Variants in PTPRZ1 observed in about 807,000 individuals in gnomAD.
The protein encoded by PTPRZ1 is protein tyrosine phosphatase receptor type Z1, also known as receptor-type tyrosine-protein phosphatase zeta.
A neutral mutation model predicts 214.1 loss-of-function variants in PTPRZ1; 82 were observed. The observed-to-expected ratio is 0.38, with a 90% CI of 0.32 to 0.46. The LOEUF is 0.46. Among genes scored for constraint, PTPRZ1 ranks in the 20% least tolerant of loss-of-function variants. The pLI is 1.00. For missense variants in PTPRZ1, 2,603 were observed against 2,748.7 expected, an observed-to-expected ratio of 0.95 and a Z score of 1.19; for synonymous variants, 945 against 987.9, an observed-to-expected ratio of 0.96 and a Z score of 0.81.
chr7:122,026,352 A>G (rs2116706731), intron 13 of PTPRZ1, among the ~76,000 whole-genome samples: 1 of 152,228 alleles, frequency 6.6e-6, no homozygotes, highest in East Asian at 1.9e-4. Context: ...ACATTTCACC[A>G]GCTTGTATAA....
At chr7:122,017,770 C>T (rs1798888845) in intron 12 of PTPRZ1, among the ~76,000 whole-genome samples, 1 of 151,672 alleles carries the variant, frequency 6.6e-6, no homozygotes, top group African/African-American at 2.4e-5. Context: ...TGGGGTTTCA[C>T]CATGTTGGCC....
intron 11 of PTPRZ1, among the ~76,000 whole-genome samples, chr7:122,005,719 G>A (rs1400418902): frequency 1.3e-5 from 2 of 151,914 alleles, no homozygotes; most frequent in South Asian, 2.1e-4. Flanking sequence ...TTTGTGCTGA[G>A]TTGTTAATTC....
At position 122,061,210 on chromosome 7, in the gene PTPRZ1, C is replaced by G. The variant is rs764043625; in HGVS notation, c.6938C>G (p.Ser2313Cys). The G allele has an allele frequency of 6.3e-7, 1 of 1,596,816 alleles. No homozygotes were observed. The highest frequency in any genetic ancestry group is 1.1e-5 in the South Asian group (1 of 88,474). Residue 2313 changes from serine to cysteine, a missense_variant, in exon 30 of 30, where the codon TCT (serine) becomes TGT (cysteine). Physicochemically the swap from Ser to Cys is moderately radical, Grantham distance 112. Coordinates refer to ENST00000393386, the MANE Select transcript of PTPRZ1 (RefSeq NM_002851.3). ...GGAAATATAGCTGAGAGCTTAGAGT[C>G]TTTAGTTTAACACAGAAAGGGGTGG... is the stretch of plus-strand genomic sequence containing the variant. ...PDGNIAESLE[S>C]LV
At chr7:121,919,073 T>G (rs1795513361) in intron 1 of PTPRZ1, among the ~76,000 whole-genome samples, 1 of 152,086 alleles carries the variant, frequency 6.6e-6, no homozygotes, top group Non-Finnish European at 1.5e-5. Flanking sequence ...GTGTCCAAGA[T>G]ATGAAGAGTT....
intron 2 of PTPRZ1, among the ~76,000 whole-genome samples, chr7:121,956,154 G>A (rs142493185): frequency 0.011 from 1,597 of 151,896 alleles, 29 homozygotes; most frequent in Middle Eastern, 0.068. Context: ...GCAACTACCC[G>A]TCCTCTCTGC....
At chr7:121,951,335 T>G (rs1349935557) in intron 2 of PTPRZ1, among the ~76,000 whole-genome samples, 3 of 152,236 alleles carry the variant, frequency 2.0e-5, no homozygotes, top group Non-Finnish European at 4.4e-5. Context: ...TTTGTAATAA[T>G]TTTTGATATT....
At position 121,886,721 on chromosome 7, in the gene PTPRZ1, A is replaced by G. The variant is rs76278065; in HGVS notation, c.58+13164A>G. On this transcript the variant is annotated intron_variant, in intron 1 of 29. Coordinates refer to ENST00000393386, the MANE Select transcript of PTPRZ1 (RefSeq NM_002851.3). ...TTAGGACTTTCCTTTTACATAATGT[A>G]TTTCTGTAATTCTCAGAAGGCAATT... Among the ~76,000 whole-genome samples, 826 of 152,312 alleles carry G rather than the reference A, an allele frequency of 5.4e-3. 9 individuals carry two copies. The highest frequency in any genetic ancestry group is 0.019 in the African/African-American group (771 of 41,574).
rs60953788 is a variant in PTPRZ1 at position 122,000,646 on chromosome 7, C to CATAT, written c.1240+2693_1240+2696dup. Among the ~76,000 whole-genome samples, 235 of 51,616 alleles carry CATAT rather than the reference C, an allele frequency of 4.6e-3. 3 individuals are homozygous for CATAT. The highest frequency in any genetic ancestry group is 7.5e-3 in the South Asian group (8 of 1,064). 33.9% of individuals were successfully genotyped at this position (51,616 alleles called of 152,430 possible). A position where few individuals can be genotyped will look rare whatever the true frequency, so the allele number is the denominator to read the frequency against. On this transcript the variant is annotated intron_variant, in intron 10 of 29. Coordinates refer to ENST00000393386, the MANE Select transcript of PTPRZ1 (RefSeq NM_002851.3). ...ATTGCTGTCATTCTTTGATAGATTT[C>CATAT]ATATATATATATATATATATATATA...
In PTPRZ1 at chr7:122,040,909, G is replaced by C. The variant is rs1209094548; in HGVS notation, c.5731G>C (p.Val1911Leu). The change falls in exon 21 of 30, where the codon GTG becomes CTG. Residue 1911 changes from valine (V) to leucine (L), a missense_variant. Coordinates refer to ENST00000393386, the MANE Select transcript of PTPRZ1 (RefSeq NM_002851.3). ...GGGAGTACCAGAGTACTCCCTGCCA[G>C]TGCTGACCTTTGTGAGAAAGGCAGC... ...DMGVPEYSLPVLTFVRKAAYA... is the reference protein window; with the variant it reads ...DMGVPEYSLPLLTFVRKAAYA... 1 of 1,605,206 alleles carries C rather than the reference G, an allele frequency of 6.2e-7. No individual in the cohort carries two copies. The highest frequency in any genetic ancestry group is 2.2e-5 in the East Asian group (1 of 44,620).
At chr7:121,920,374 T>A (rs527947648) in intron 1 of PTPRZ1, among the ~76,000 whole-genome samples, 34 of 152,276 alleles carry the variant, frequency 2.2e-4, no homozygotes, top group African/African-American at 7.9e-4. Flanking sequence ...ACACATTATT[T>A]TTGTCATTTG....
At chr7:122,023,527 A>ATG (rs1214310315) in intron 13 of PTPRZ1, among the ~76,000 whole-genome samples, 1 of 134,654 alleles carries the variant, frequency 7.4e-6, no homozygotes, top group African/African-American at 2.8e-5. Flanking sequence ...ATATAATTAT[A>ATG]TATATATAAT....
At chr7:121,954,426 A>G (rs555715838) in intron 2 of PTPRZ1, among the ~76,000 whole-genome samples, 1 of 152,228 alleles carries the variant, frequency 6.6e-6, no homozygotes, top group South Asian at 2.1e-4. Context: ...CTGTCTTCCT[A>G]GATGCCTTCA....
Position 122,058,785 on chromosome 7 carries a change from G to A in PTPRZ1, c.6529-15G>A. 6.3e-7 allele frequency: 1 copy of A among 1,591,496 alleles called. No homozygotes were observed. The highest frequency in any genetic ancestry group is 8.6e-7 in the Non-Finnish European group (1 of 1,164,370). On this transcript the variant is annotated splice_polypyrimidine_tract_variant and intron_variant, in intron 27 of 29. Transcript: ENST00000393386. Reference sequence around the variant, plus strand: ...CTGTCACTAACTAACATTACTTTGTGTTTTCTTGTTATAGGATGATTATGT... The same window carrying A: ...CTGTCACTAACTAACATTACTTTGTATTTTCTTGTTATAGGATGATTATGT...
chr7:121,927,276 A>G (rs889708540), intron 1 of PTPRZ1, among the ~76,000 whole-genome samples: 4 of 152,252 alleles, frequency 2.6e-5, no homozygotes, highest in Non-Finnish European at 5.9e-5. Flanking sequence ...CCTATCCTGC[A>G]AAGATTTATT....
intron 1 of PTPRZ1, among the ~76,000 whole-genome samples, 163 bp from the exon 2 acceptor site, chr7:121,927,992 AG>A (rs1265232216): frequency 6.6e-6 from 1 of 152,206 alleles, no homozygotes; most frequent in African/African-American, 2.4e-5. Flanking sequence ...AGGGCATTGG[AG>A]TGTATAATAT....
In PTPRZ1 at chr7:122,013,841, T is replaced by A. The variant is rs775542642; in HGVS notation, c.4795T>A (p.Ser1599Thr). ...ITPGFPQSPT[S>T]SVTSENSEVF... is the part of the protein sequence containing the mutation. ...TCCTGGATTCCCACAGTCCCCAACATCATCTGTTACTAGCGAGAACTCAGA... is the reference window on the plus strand; with the variant it reads ...TCCTGGATTCCCACAGTCCCCAACAACATCTGTTACTAGCGAGAACTCAGA... The change falls in exon 12 of 30, where the codon TCA becomes ACA. Residue 1599 changes from serine to threonine, a missense_variant. Coordinates refer to ENST00000393386, the MANE Select transcript of PTPRZ1 (RefSeq NM_002851.3). 11 of 1,613,654 alleles carry A rather than the reference T, an allele frequency of 6.8e-6. No homozygotes were observed. The highest frequency in any genetic ancestry group is 8.5e-6 in the Non-Finnish European group (10 of 1,179,882).
At chr7:121,960,702 T>A (rs1386489160) in intron 2 of PTPRZ1, among the ~76,000 whole-genome samples, 2 of 152,042 alleles carry the variant, frequency 1.3e-5, no homozygotes, top group African/African-American at 4.8e-5. Flanking sequence ...TTCATCTGCA[T>A]AATTTAATCA....
intron 25 of PTPRZ1, among the ~76,000 whole-genome samples, 158 bp from the exon 26 acceptor site, chr7:122,053,752 C>G (rs1792262100): frequency 6.6e-6 from 1 of 152,032 alleles, no homozygotes; most frequent in African/African-American, 2.4e-5. Context: ...TACAAAGTGC[C>G]CAGTAAGCAT....
intron 2 of PTPRZ1, among the ~76,000 whole-genome samples, chr7:121,965,899 A>G (rs1797034541): frequency 6.6e-6 from 1 of 152,350 alleles, no homozygotes; most frequent in East Asian, 1.9e-4. Flanking sequence ...TAAAATGTAG[A>G]TTCAGACTTC....
Sources: gnomAD v4.1 joint callset for allele counts (sites outside exome capture counted in the v4.1 genomes callset) on GRCh38, gnomAD v4.1.1 for gene constraint, MANE v1.5 for transcripts, NCBI Gene and HGNC (gene_info 2026-07-23, HGNC 2026-07-21) for gene names.